The following ALK variants were observed in gnomAD, a reference collection of about 807,000 sequenced individuals.
ALK encodes the protein ALK receptor tyrosine kinase.
Under a neutral mutation model 163.1 loss-of-function variants are expected in ALK, and 74 were observed. That is an observed-to-expected ratio of 0.45 (90% CI 0.38 to 0.55). The LOEUF (loss-of-function observed/expected upper bound fraction) is 0.55, where lower values mean the gene tolerates loss of function less well. Among genes scored for constraint, ALK ranks in the 20% least tolerant of loss-of-function variants. ALK has a pLI of 0.00. For missense variants in ALK, 2,063 were observed against 2,105.3 expected (o/e 0.98, Z 0.39); for synonymous variants, 960 against 843.2 (o/e 1.14, Z -2.40).
At chr2:29,202,488 G>A (rs1669207648) in intron 26 of ALK, among the ~76,000 whole-genome samples, 1 of 152,224 alleles carries the variant, frequency 6.6e-6, no homozygotes, top group Non-Finnish European at 1.5e-5. Flanking sequence ...TGAAGACTTA[G>A]AGACAGAAAG....
At chr2:29,672,553 C>T (rs1172141777) in intron 3 of ALK, among the ~76,000 whole-genome samples, 2 of 150,376 alleles carry the variant, frequency 1.3e-5, no homozygotes, top group African/African-American at 2.5e-5. Flanking sequence ...ATATGTGCCA[C>T]ATTTTCTTAA....
chr2:29,689,052 C>G (rs186112099), intron 3 of ALK, among the ~76,000 whole-genome samples: 4 of 152,176 alleles, frequency 2.6e-5, no homozygotes, highest in African/African-American at 9.7e-5. Flanking sequence ...ACAGCCTGTC[C>G]TCATCTATGA....
intron 4 of ALK, among the ~76,000 whole-genome samples, chr2:29,387,128 G>T (rs957293717): frequency 6.6e-6 from 1 of 152,126 alleles, no homozygotes; most frequent in African/African-American, 2.4e-5. Flanking sequence ...ACAGTGTGGG[G>T]TGTCCATCTG....
chr2:29,661,299 G>T (rs1241358119), intron 3 of ALK, among the ~76,000 whole-genome samples: 1 of 152,106 alleles, frequency 6.6e-6, no homozygotes, highest in Non-Finnish European at 1.5e-5. Flanking sequence ...TAACCCTCCT[G>T]CTTCTCCTCT....
intron 1 of ALK, among the ~76,000 whole-genome samples, chr2:29,798,462 A>G (rs1001315773): frequency 1.3e-5 from 2 of 152,270 alleles, no homozygotes; most frequent in African/African-American, 4.8e-5. Flanking sequence ...TTTAGAAACC[A>G]TACATGATTT....
intron 4 of ALK, among the ~76,000 whole-genome samples, chr2:29,432,980 A>G (rs1400582967): frequency 6.6e-6 from 1 of 152,074 alleles, no homozygotes; most frequent in Non-Finnish European, 1.5e-5. Context: ...TGAGCAGGAA[A>G]TAGATAGTCA....
intron 11 of ALK, 96 bp from the exon 12 acceptor site, chr2:29,251,363 C>A (rs1664812508): frequency 7.9e-7 from 1 of 1,262,604 alleles, no homozygotes; most frequent in Admixed American, 2.0e-5. Context: ...GCTCCATGGC[C>A]CCAAACCCTC....
rs10171633 is a variant in ALK at position 29,853,913 on chromosome 2, C to T, written c.667+66080G>A. Among the ~76,000 whole-genome samples the T allele has an allele frequency of 5.6e-3, 791 of 140,650 alleles. 4 individuals are homozygous for T. Among genetic ancestry groups the T allele is most frequent in the African/African-American group, 0.02 (753 of 37,110 alleles). 92.3% of individuals were successfully genotyped at this position (140,650 alleles called of 152,430 possible). On this transcript the variant is annotated intron_variant, in intron 1 of 28. Transcript: ENST00000389048. ...AAGAAAGTTTTCTTTCTTTTCTTTTCTTTTTTTTTTTCCTGAGACAGAGTC... is the reference window on the plus strand; with the variant it reads ...AAGAAAGTTTTCTTTCTTTTCTTTTTTTTTTTTTTTTCCTGAGACAGAGTC...
chr2:29,318,463 T>G, intron 7 of ALK, 59 bp from the exon 8 acceptor site: 1 of 1,244,668 alleles, frequency 8.0e-7, no homozygotes. Flanking sequence ...GGACCAGGGG[T>G]GCAGGGTTAA....
At chr2:29,568,618 C>T (rs1674263100) in intron 3 of ALK, among the ~76,000 whole-genome samples, 1 of 152,200 alleles carries the variant, frequency 6.6e-6, no homozygotes, top group Non-Finnish European at 1.5e-5. Context: ...GATTGTCTCC[C>T]TTCCCTCCCC....
At chr2:29,289,176 C>T (rs747319367) in intron 9 of ALK, among the ~76,000 whole-genome samples, 124 of 152,070 alleles carry the variant, frequency 8.2e-4, no homozygotes, top group Admixed American at 9.8e-4. Context: ...AGAATGCCAT[C>T]CCTCTTCTCC....
chr2:29,865,951 G>A (rs1176576912), intron 1 of ALK, among the ~76,000 whole-genome samples: 1 of 152,124 alleles, frequency 6.6e-6, no homozygotes, highest in Admixed American at 6.5e-5. Flanking sequence ...GGGAGCAAGG[G>A]TCTCTGGGGA....
At chr2:29,309,655 A>G (rs1040521416) in intron 8 of ALK, among the ~76,000 whole-genome samples, 1 of 120,496 alleles carries the variant, frequency 8.3e-6, no homozygotes, top group African/African-American at 3.1e-5. Flanking sequence ...GGAAGGTGTC[A>G]TTTGTTGGGT....
chr2:29,377,110 A>G (rs777816127), intron 5 of ALK, among the ~76,000 whole-genome samples: 2 of 152,188 alleles, frequency 1.3e-5, no homozygotes, highest in Non-Finnish European at 2.9e-5. Context: ...AGATACAGTT[A>G]ATATACCTAT....
intron 8 of ALK, among the ~76,000 whole-genome samples, chr2:29,306,178 G>T (rs11888500): frequency 6.6e-6 from 1 of 152,276 alleles, no homozygotes; most frequent in South Asian, 2.1e-4. Context: ...TGAACTAGGC[G>T]CTTGCACGTA....
rs1313368016 is a variant in ALK, at chr2:29,251,265, G to T, written c.2044C>A (p.His682Asn). ...GCCCCACATGTGGTGAACAGCCAAT[G>T]AACTGTGGCACAAGAGGAGAGGCAG... ...RQTPIFDPTV[H>N]WLFTTCGASG... Residue 682 changes from histidine to asparagine, a missense_variant and splice_region_variant, in exon 12 of 29, where the codon CAT becomes AAT. His to Asn is a moderately conservative substitution (Grantham distance 68). Transcript: ENST00000389048. 6.2e-7 allele frequency: 1 copy of T among 1,613,198 alleles called. No individual in the cohort carries two copies. Among genetic ancestry groups the T allele is most frequent in the African/African-American group, 1.3e-5 (1 of 74,918 alleles).
At chr2:29,579,891 C>G (rs1674630695) in intron 3 of ALK, among the ~76,000 whole-genome samples, 1 of 152,122 alleles carries the variant, frequency 6.6e-6, no homozygotes, top group Non-Finnish European at 1.5e-5. Context: ...GTAGGAAAAG[C>G]AATGATTCAC....
chr2:29,561,754 G>C (rs909355902), intron 3 of ALK, among the ~76,000 whole-genome samples: 4 of 152,172 alleles, frequency 2.6e-5, no homozygotes, highest in African/African-American at 9.7e-5. Context: ...GAGCGAGGTT[G>C]TTATCACATT....
intron 5 of ALK, among the ~76,000 whole-genome samples, chr2:29,366,442 G>T (rs530464364): frequency 6.6e-6 from 1 of 152,112 alleles, no homozygotes; most frequent in Admixed American, 6.5e-5. Flanking sequence ...TAGGGCCTGG[G>T]AACCCAGAGA....
Sources: gnomAD v4.1 joint callset for allele counts (sites outside exome capture counted in the v4.1 genomes callset) on GRCh38, gnomAD v4.1.1 for gene constraint, MANE v1.5 for transcripts, NCBI Gene and HGNC (gene_info 2026-07-23, HGNC 2026-07-21) for gene names.